Variants in NPEPPS observed in about 807,000 individuals in gnomAD.
NPEPPS encodes puromycin-sensitive aminopeptidase.
NPEPPS carries 14 observed loss-of-function variants against 115.5 expected under a neutral mutation model. That is an observed-to-expected ratio of 0.12 (90% CI 0.08 to 0.19). The LOEUF is 0.19. NPEPPS is among the 10% of genes least tolerant of loss of function. The pLI is 1.00. For missense variants in NPEPPS, 523 were observed against 1,110.8 expected (o/e 0.47, Z 7.52); for synonymous variants, 285 against 390.6 (o/e 0.73, Z 3.19).
Position 47,585,535 on chromosome 17 carries a change from A to C in NPEPPS, c.684A>C (p.Glu228Asp). ...VIDRKPYPDD[E>D]NLVEVKFART... Reference sequence around the variant, plus strand: ...ACCGGAAACCATACCCTGATGATGAAAATTTAGTGGAAGTGAAGTTTGCCC... The same window carrying C: ...ACCGGAAACCATACCCTGATGATGACAATTTAGTGGAAGTGAAGTTTGCCC... The change falls in exon 6 of 23, where the codon GAA (glutamate) becomes GAC (aspartate). Residue 228 changes from glutamate (E) to aspartate (D), a missense_variant. This residue lies in a region of NPEPPS where 144 missense variants were observed against 512.4 expected (regional missense o/e 0.28). Transcript: ENST00000322157. 1.9e-6 allele frequency: 3 copies of C among 1,613,810 alleles called. No individual in the cohort carries two copies. Among genetic ancestry groups the C allele is most frequent in the Non-Finnish European group, 2.5e-6 (3 of 1,179,774 alleles).
intron 2 of NPEPPS, among the ~76,000 whole-genome samples, chr17:47,547,444 C>T (rs546302531): frequency 3.4e-4 from 52 of 151,996 alleles, no homozygotes; most frequent in African/African-American, 1.3e-3. Context: ...CTCCTGGTCT[C>T]AAGCCATCCT....
At chr17:47,556,800 C>T (rs1298378761) in intron 2 of NPEPPS, among the ~76,000 whole-genome samples, 26 of 152,180 alleles carry the variant, frequency 1.7e-4, no homozygotes, top group Admixed American at 1.6e-3. Flanking sequence ...TAGGCCACCA[C>T]GCCCGGCTAA....
In NPEPPS at chr17:47,599,868, A is replaced by G. The variant is rs367599901; in HGVS notation, c.1600+129A>G. On this transcript the variant is annotated intron_variant, in intron 14 of 22. Coordinates refer to ENST00000322157, the MANE Select transcript of NPEPPS (RefSeq NM_006310.4). ...AGTCTCACTCTGTCGCCCAGGCTCG[A>G]GTGCCATAGCGTGATCTTGGCTCAC... The G allele has an allele frequency of 1.6e-5, 12 of 745,364 alleles. 1 individual carries two copies. The highest frequency in any genetic ancestry group is 8.4e-5 in the East Asian group (3 of 35,902). The allele number at this position is 745,364 out of a possible 1,614,324, so 46.2% of individuals were successfully genotyped here.
chr17:47,533,531 C>T (rs1300168180), intron 1 of NPEPPS, among the ~76,000 whole-genome samples: 2 of 151,852 alleles, frequency 1.3e-5, no homozygotes, highest in Admixed American at 6.6e-5. Flanking sequence ...GTTTCTTTAC[C>T]CTATTAGTTG....
chr17:47,536,583 CG>C (rs1567834222), intron 1 of NPEPPS, among the ~76,000 whole-genome samples: 1 of 150,264 alleles, frequency 6.7e-6, no homozygotes, highest in East Asian at 2.0e-4. Context: ...TTAGTAGAGA[CG>C]GGGTTTCTCC....
intron 2 of NPEPPS, among the ~76,000 whole-genome samples, chr17:47,559,905 A>T (rs1254958564): frequency 6.6e-6 from 1 of 152,126 alleles, no homozygotes; most frequent in African/African-American, 2.4e-5. Flanking sequence ...CCACCCAGCC[A>T]CAAAGCCCCC....
chr17:47,564,377 G>A (rs2644349), intron 2 of NPEPPS, among the ~76,000 whole-genome samples: 68,303 of 150,870 alleles, frequency 0.45, 16,365 homozygotes, highest in South Asian at 0.56. Context: ...TCAATTTTAA[G>A]AAGAAAGAAT....
intron 2 of NPEPPS, among the ~76,000 whole-genome samples, chr17:47,554,967 G>A (rs1159784468): frequency 2.0e-5 from 3 of 152,158 alleles, no homozygotes; most frequent in Non-Finnish European, 2.9e-5. Flanking sequence ...TAAAACTTAC[G>A]AATTCTTTGT....
chr17:47,583,485 C>T (rs2125874), intron 5 of NPEPPS, among the ~76,000 whole-genome samples: 1 of 151,442 alleles, frequency 6.6e-6, no homozygotes, highest in African/African-American at 2.4e-5. Flanking sequence ...GTTGGGAGGC[C>T]GAGGTGGGAG....
At chr17:47,537,777 C>T (rs1908409400) in intron 1 of NPEPPS, among the ~76,000 whole-genome samples, 2 of 151,334 alleles carry the variant, frequency 1.3e-5, no homozygotes, top group Admixed American at 6.6e-5. Flanking sequence ...TTTGCAATTC[C>T]TCATAGTGTA....
At chr17:47,542,546 CAAA>C (rs397857323) in intron 1 of NPEPPS, among the ~76,000 whole-genome samples, 6 of 83,096 alleles carry the variant, frequency 7.2e-5, no homozygotes, top group Admixed American at 1.3e-4. Context: ...AGCTCCGTCT[CAAA>C]AAAAAAAAAA....
intron 1 of NPEPPS, among the ~76,000 whole-genome samples, chr17:47,536,470 G>T (rs374423288): frequency 7.2e-6 from 1 of 138,526 alleles, no homozygotes; most frequent in Non-Finnish European, 1.5e-5. Flanking sequence ...TCGGCTCACC[G>T]CAGCCTCTGC....
intron 2 of NPEPPS, among the ~76,000 whole-genome samples, chr17:47,558,403 C>CA (rs1910203010): frequency 1.3e-5 from 2 of 148,524 alleles, no homozygotes; most frequent in Non-Finnish European, 3.0e-5. Flanking sequence ...GGTGGGATTA[C>CA]AGGCCTGAGC....
intron 17 of NPEPPS, among the ~76,000 whole-genome samples, chr17:47,610,845 C>CTTTTTTTTTT (rs59893483): frequency 4.0e-5 from 4 of 100,120 alleles, no homozygotes; most frequent in African/African-American, 1.7e-4. Context: ...TATGATGACT[C>CTTTTTTTTTT]TTTTTTTTTT....
chr17:47,574,553 C>T (rs1234084689), intron 3 of NPEPPS, among the ~76,000 whole-genome samples: 1 of 152,076 alleles, frequency 6.6e-6, no homozygotes, highest in African/African-American at 2.4e-5. Context: ...GTTTTAAGTG[C>T]CTCAAAAATA....
intron 13 of NPEPPS, among the ~76,000 whole-genome samples, chr17:47,598,404 G>GT (rs1463646154): frequency 2.6e-5 from 4 of 152,130 alleles, no homozygotes; most frequent in African/African-American, 9.7e-5. Context: ...AGCACAGGAG[G>GT]TGTGAAGGCT....
chr17:47,619,550 G>C, intron 21 of NPEPPS, 187 bp from the exon 22 acceptor site: 1 of 575,628 alleles, frequency 1.7e-6, no homozygotes, highest in Non-Finnish European at 3.1e-6. Flanking sequence ...GTGAAACTCC[G>C]TCTCAAAAAA....
chr17:47,589,520 C>T (rs1912380355), intron 9 of NPEPPS, among the ~76,000 whole-genome samples: 1 of 152,166 alleles, frequency 6.6e-6, no homozygotes, highest in Admixed American at 6.5e-5. Context: ...CTGCCTTGAC[C>T]TCCCAGAGTA....
intron 22 of NPEPPS, among the ~76,000 whole-genome samples, chr17:47,621,504 A>C (rs1324350304): frequency 1.3e-5 from 2 of 152,146 alleles, no homozygotes; most frequent in African/African-American, 2.4e-5. Context: ...TTACCACTAC[A>C]CAATTAGCCT....
Sources: gnomAD v4.1 joint callset for allele counts (sites outside exome capture counted in the v4.1 genomes callset) on GRCh38, gnomAD v4.1.1 for gene constraint, gnomAD v4.1.1 regional missense constraint, MANE v1.5 for transcripts, NCBI Gene and HGNC (gene_info 2026-07-23, HGNC 2026-07-21) for gene names.